Variants in ORC6 observed in about 807,000 individuals in gnomAD.
The protein encoded by ORC6 is origin recognition complex subunit 6.
A neutral mutation model predicts 30.0 loss-of-function variants in ORC6; 31 were observed. The ratio of observed to expected loss-of-function variants is 1.03; its 90% CI spans 0.78 to 1.40. The LOEUF (loss-of-function observed/expected upper bound fraction) is 1.40. Ranked by LOEUF, ORC6 falls within the 40% of genes most tolerant of loss-of-function variation. The probability of loss-of-function intolerance (pLI) is 0.00; values close to 1 mark genes in which losing one functional copy is unlikely to be tolerated. For missense variants in ORC6, 340 were observed against 304.3 expected, an observed-to-expected ratio of 1.12 and a Z score of -0.87; for synonymous variants, 136 against 111.2, an observed-to-expected ratio of 1.22 and a Z score of -1.40.
chr16:46,690,417 G>C (rs1304384255), intron 1 of ORC6, among the ~76,000 whole-genome samples: 1 of 152,196 alleles, frequency 6.6e-6, no homozygotes, highest in Non-Finnish European at 1.5e-5. Context: ...GGAAGGCAAG[G>C]AAAACAGCAC....
chr16:46,692,544 A>G lies in ORC6; in HGVS notation c.358A>G (p.Ser120Gly). The G allele has an allele frequency of 6.2e-7, 1 of 1,612,564 alleles. No individual in the cohort carries two copies. Among genetic ancestry groups the G allele is most frequent in the Non-Finnish European group, 8.5e-7 (1 of 1,178,732 alleles). The change falls in exon 3 of 7, where the codon AGC becomes GGC. Residue 120 changes from serine to glycine, a missense_variant and splice_region_variant. Coordinates refer to ENST00000219097, the MANE Select transcript of ORC6 (RefSeq NM_014321.4). ...GAACATGGCTTCAAAGATACTAAAA[A>G]GGTATGGGGCATAGAGAACCTTAAT... Reference protein sequence around the residue: ...AVNMASKILKSYESSLPQTQQ... With the variant: ...AVNMASKILKGYESSLPQTQQ...
At chr16:46,691,958 A>ACTCTCTCTCT (rs1555467330) in intron 2 of ORC6, among the ~76,000 whole-genome samples, 5 of 36,664 alleles carry the variant, frequency 1.4e-4, no homozygotes, top group Non-Finnish European at 2.1e-4. Flanking sequence ...ACACACACAC[A>ACTCTCTCTCT]CTCTCTCTCT....
chr16:46,697,726 C>A lies in ORC6; in HGVS notation c.*141C>A. 1 of 937,292 alleles carries A rather than the reference C, an allele frequency of 1.1e-6. No individual in the cohort carries two copies. The highest frequency in any genetic ancestry group is 1.7e-6 in the Non-Finnish European group (1 of 589,208). 58.1% of individuals were successfully genotyped at this position (937,292 alleles called of 1,614,324 possible). The stretch of plus-strand genomic sequence containing the variant: ...GCCTTTAAATAGCAAAGCAGCCTAC[C>A]TGGAGGCTAAGTCTGGGCAGTGGGC... On this transcript the variant is annotated 3_prime_UTR_variant, in exon 7 of 7. Transcript: ENST00000219097.
chr16:46,692,371 T>C lies in ORC6; in HGVS notation c.196-11T>C. The C allele has an allele frequency of 6.2e-7, 1 of 1,609,630 alleles. No individual in the cohort carries two copies. The highest frequency in any genetic ancestry group is 1.1e-5 in the South Asian group (1 of 90,948). The stretch of plus-strand genomic sequence containing the variant: ...TTTTTATGATTTGTGTATGTGTTTT[T>C]CCTTTCACAGGCTTATTTAATTAAA... On this transcript the variant is annotated splice_polypyrimidine_tract_variant and intron_variant, in intron 2 of 6. Coordinates refer to ENST00000219097, the MANE Select transcript of ORC6 (RefSeq NM_014321.4).
rs753727001 is a variant in ORC6, at chr16:46,689,688, C to T, written c.-18C>T. On this transcript the variant is annotated 5_prime_UTR_variant, in exon 1 of 7. Transcript: ENST00000219097. ...ACCCGCGGCGTTCACGGGAATTGTT[C>T]GCTTTAGTGCCGGCGCCATGGGGTC... is the stretch of plus-strand genomic sequence containing the variant. 5.3e-5 allele frequency: 85 copies of T among 1,596,208 alleles called. No individual in the cohort carries two copies. Among genetic ancestry groups the T allele is most frequent in the Non-Finnish European group, 6.3e-5 (74 of 1,171,224 alleles).
In ORC6 at chr16:46,695,667, G is replaced by A. The variant is rs2143011021; in HGVS notation, c.555G>A (p.Gln185=). 1 of 1,590,722 alleles carries A rather than the reference G, an allele frequency of 6.3e-7. No individual in the cohort carries two copies. The highest frequency in any genetic ancestry group is 1.3e-5 in the African/African-American group (1 of 74,578). Reference sequence around the variant, plus strand: ...AACAACTAGAGAAGATTGGACAGCAGGTCGACAGTAAGTATTCTGTAGTTC... The same window carrying A: ...AACAACTAGAGAAGATTGGACAGCAAGTCGACAGTAAGTATTCTGTAGTTC... The part of the protein sequence containing the change: ...LCKQLEKIGQ[Q]VDREPGDVAT... Residue 185 remains glutamine (Q), a synonymous_variant, in exon 5 of 7, where the codon CAG becomes CAA. Coordinates refer to ENST00000219097, the MANE Select transcript of ORC6 (RefSeq NM_014321.4).
chr16:46,698,183 G>GATGGATAGATA lies in ORC6; in HGVS notation c.*598_*599insATGGATAGATA, dbSNP rs1966543675. 25 of 430,452 alleles carry GATGGATAGATA rather than the reference G, an allele frequency of 5.8e-5. No homozygotes were observed. Among genetic ancestry groups the GATGGATAGATA allele is most frequent in the East Asian group, 5.0e-4 (7 of 13,946 alleles). The allele number at this position is 430,452 out of a possible 1,614,324, so 26.7% of individuals were successfully genotyped here. On this transcript the variant is annotated 3_prime_UTR_variant, in exon 7 of 7. Coordinates refer to ENST00000219097, the MANE Select transcript of ORC6 (RefSeq NM_014321.4). ...CTTATAGATAGATAGATAGATAGAT[G>GATGGATAGATA]GATAGATAGATAGATAGATAGATAG...
Position 46,698,009 on chromosome 16 carries a change from G to C in ORC6, c.*424G>C. 2.4e-6 allele frequency: 1 copy of C among 417,124 alleles called. No homozygotes were observed. The highest frequency in any genetic ancestry group is 4.9e-6 in the Non-Finnish European group (1 of 206,034). 25.8% of individuals were successfully genotyped at this position (417,124 alleles called of 1,614,324 possible). On this transcript the variant is annotated 3_prime_UTR_variant, in exon 7 of 7. Coordinates refer to ENST00000219097, the MANE Select transcript of ORC6 (RefSeq NM_014321.4). ...GCATGCCTGTAATCCCAGCTCCTCA[G>C]TAGGCTGAGACAGGAGCATCACTTG...
chr16:46,698,124 A>G lies in ORC6; in HGVS notation c.*539A>G, dbSNP rs913495679. ...AGCGAGACTTATCTCATAAATAAAT[A>G]GATAGATACTCCAGCCTGGGTGACA... On this transcript the variant is annotated 3_prime_UTR_variant, in exon 7 of 7. Transcript: ENST00000219097. 7 of 435,724 alleles carry G rather than the reference A, an allele frequency of 1.6e-5. No homozygotes were observed. Among genetic ancestry groups the G allele is most frequent in the Admixed American group, 1.2e-4 (5 of 40,982 alleles). The allele number at this position is 435,724 out of a possible 1,614,324, so 27.0% of individuals were successfully genotyped here.
At chr16:46,696,254 G>A (rs377056259) in intron 6 of ORC6, 169 bp downstream of exon 6, 1 of 667,336 alleles carries the variant, frequency 1.5e-6, no homozygotes, top group East Asian at 2.8e-5. Flanking sequence ...CATCGTTATT[G>A]GGTAATTAAG....
chr16:46,693,653 AT>A (rs1412118337), intron 4 of ORC6: 6 of 169,112 alleles, frequency 3.5e-5, no homozygotes, highest in Non-Finnish European at 7.7e-5. Context: ...AAAAAAAAAA[AT>A]TAGCTGGGTG....
At chr16:46,693,616 A>T (rs951065436) in intron 4 of ORC6, 1 of 166,680 alleles carries the variant, frequency 6.0e-6, no homozygotes, top group Non-Finnish European at 1.3e-5. Context: ...CCTAGACAGC[A>T]TAATAAGACC....
rs1480881556 is a variant in ORC6 at position 46,698,343 on chromosome 16, C to G, written c.*758C>G. The G allele has an allele frequency of 4.5e-6, 2 of 441,162 alleles. No individual in the cohort carries two copies. The highest frequency in any genetic ancestry group is 9.2e-6 in the Non-Finnish European group (2 of 218,460). The allele number at this position is 441,162 out of a possible 1,614,324, so 27.3% of individuals were successfully genotyped here. On this transcript the variant is annotated 3_prime_UTR_variant, in exon 7 of 7. Transcript: ENST00000219097. ...TTTGTGTACGGTATTTTTTATTTGA[C>G]TAAATCAATATATTGTACAGCCTAA...
chr16:46,690,255 G>T (rs2143010139), intron 1 of ORC6, among the ~76,000 whole-genome samples: 1 of 152,320 alleles, frequency 6.6e-6, no homozygotes, highest in South Asian at 2.1e-4. Context: ...TTCCCGCTGA[G>T]GCCGGATTGA....
chr16:46,697,735 A>G lies in ORC6; in HGVS notation c.*150A>G. 1 of 858,324 alleles carries G rather than the reference A, an allele frequency of 1.2e-6. No individual in the cohort carries two copies. The highest frequency in any genetic ancestry group is 1.9e-6 in the Non-Finnish European group (1 of 520,640). 53.2% of individuals were successfully genotyped at this position (858,324 alleles called of 1,614,324 possible). On this transcript the variant is annotated 3_prime_UTR_variant, in exon 7 of 7. Transcript: ENST00000219097. ...TAGCAAAGCAGCCTACCTGGAGGCT[A>G]AGTCTGGGCAGTGGGCTGGCCCCTG...
Position 46,693,115 on chromosome 16 carries a change from A to C in ORC6, c.382A>C (p.Thr128Pro). The C allele has an allele frequency of 6.2e-7, 1 of 1,611,888 alleles. No individual in the cohort carries two copies. The change falls in exon 4 of 7, where the codon ACA becomes CCA. Residue 128 changes from threonine (T) to proline (P), a missense_variant. Thr to Pro is a conservative substitution (Grantham distance 38, BLOSUM62 -1). Coordinates refer to ENST00000219097, the MANE Select transcript of ORC6 (RefSeq NM_014321.4). ...LKSYESSLPQ[T>P]QQVDLDLSRP... Reference sequence around the variant, plus strand: ...TAGCTATGAGTCCAGTCTTCCCCAGACACAGCAAGTGGATCTTGACTTATC... The same window carrying C: ...TAGCTATGAGTCCAGTCTTCCCCAGCCACAGCAAGTGGATCTTGACTTATC...
In ORC6 at chr16:46,697,402, T is replaced by C. The variant is rs139110073; in HGVS notation, c.632-56T>C. The C allele has an allele frequency of 6.6e-5, 98 of 1,494,340 alleles. No individual in the cohort carries two copies. The East Asian group carries it at 1.8e-3, about 27-fold the overall frequency. The allele number at this position is 1,494,340 out of a possible 1,614,324, so 92.6% of individuals were successfully genotyped here. ...CAATTTAAACAAGTTTACCTTTTTT[T>C]AAATTTCATTTCTAAGCTAAGAATT... On this transcript the variant is annotated intron_variant, in intron 6 of 6. Transcript: ENST00000219097.
At chr16:46,691,384 T>G (rs531003780) in intron 2 of ORC6, among the ~76,000 whole-genome samples, 1 of 152,200 alleles carries the variant, frequency 6.6e-6, no homozygotes, top group African/African-American at 2.4e-5. Flanking sequence ...TACCCTCCTT[T>G]TAAAGCACGT....
chr16:46,690,683 C>T (rs1057350068), intron 1 of ORC6: 10 of 402,964 alleles, frequency 2.5e-5, no homozygotes, highest in African/African-American at 2.1e-4. Flanking sequence ...AAGGAGGAAC[C>T]CTGGTCTAAC....
Sources: allele counts gnomAD v4.1 joint callset (sites outside exome capture counted in the v4.1 genomes callset), GRCh38; gene constraint gnomAD v4.1.1; transcripts MANE v1.5; gene names NCBI Gene and HGNC (gene_info 2026-07-23, HGNC 2026-07-21).